The following ASTN2 variants were observed in gnomAD, a reference collection of about 807,000 sequenced individuals.
The protein encoded by ASTN2 is astrotactin-2.
A neutral mutation model predicts 139.8 loss-of-function variants in ASTN2; 54 were observed. The ratio of observed to expected loss-of-function variants is 0.39; its 90% CI spans 0.31 to 0.48. The LOEUF is 0.48. Ranked by LOEUF, ASTN2 falls within the 20% of genes least tolerant of loss-of-function variation. The pLI, the probability that ASTN2 is intolerant of heterozygous loss-of-function variation, is 0.95. For missense variants in ASTN2, 1,565 were observed against 1,725.1 expected (o/e 0.91, Z 1.64); for synonymous variants, 756 against 719.5 (o/e 1.05, Z -0.81).
intron 4 of ASTN2, among the ~76,000 whole-genome samples, chr9:117,120,116 C>T (rs1372376957): frequency 6.8e-6 from 1 of 146,944 alleles, no homozygotes; most frequent in East Asian, 2.0e-4. Flanking sequence ...AATATTTTGG[C>T]TCCTATTGGG....
At chr9:116,562,515 T>A (rs987289799) in intron 19 of ASTN2, among the ~76,000 whole-genome samples, 1 of 151,628 alleles carries the variant, frequency 6.6e-6, no homozygotes, top group African/African-American at 2.4e-5. Context: ...GGCGGGCGGA[T>A]CACCTGAGGT....
chr9:116,889,613 T>C (rs529072162), intron 10 of ASTN2, among the ~76,000 whole-genome samples: 34 of 152,044 alleles, frequency 2.2e-4, no homozygotes, highest in African/African-American at 7.7e-4. Flanking sequence ...CCTGGTGCAG[T>C]GGTGGCTCAT....
intron 16 of ASTN2, among the ~76,000 whole-genome samples, chr9:116,718,909 G>C (rs892530182): frequency 2.1e-5 from 3 of 140,858 alleles, no homozygotes; most frequent in Admixed American, 1.5e-4. Flanking sequence ...AATTATGTTA[G>C]ACAATTTATT....
chr9:117,024,086 T>A (rs1837978124), intron 6 of ASTN2, among the ~76,000 whole-genome samples: 1 of 152,100 alleles, frequency 6.6e-6, no homozygotes, highest in Non-Finnish European at 1.5e-5. Flanking sequence ...TCTCATCCCA[T>A]CCTCAAACGA....
chr9:116,846,775 C>T (rs1008133092), intron 11 of ASTN2, among the ~76,000 whole-genome samples: 1 of 152,034 alleles, frequency 6.6e-6, no homozygotes, highest in African/African-American at 2.4e-5. Context: ...GGTTCTCTGC[C>T]AGTGGTCAAT....
At chr9:116,966,967 A>G (rs1207736129) in intron 10 of ASTN2, among the ~76,000 whole-genome samples, 6 of 152,212 alleles carry the variant, frequency 3.9e-5, no homozygotes, top group Non-Finnish European at 8.8e-5. Flanking sequence ...CTCACAAAAC[A>G]TCCTGAGTTG....
intron 1 of ASTN2, among the ~76,000 whole-genome samples, chr9:117,402,383 G>A (rs1370180117): frequency 1.3e-5 from 2 of 152,280 alleles, no homozygotes; most frequent in South Asian, 4.1e-4. Flanking sequence ...CATTTAAGAA[G>A]CAAAACCATC....
intron 16 of ASTN2, among the ~76,000 whole-genome samples, chr9:116,725,160 A>G (rs1032856598): frequency 2.0e-5 from 3 of 152,210 alleles, no homozygotes; most frequent in Admixed American, 2.0e-4. Flanking sequence ...GAAAAGGAAT[A>G]ACCTTCACAA....
At chr9:116,735,770 C>G (rs1285171737) in intron 13 of ASTN2, among the ~76,000 whole-genome samples, 3 of 152,188 alleles carry the variant, frequency 2.0e-5, no homozygotes, top group Non-Finnish European at 4.4e-5. Context: ...GGTAGCTCAG[C>G]CTTGGAAGCT....
At chr9:116,834,273 T>C (rs377544947) in intron 11 of ASTN2, among the ~76,000 whole-genome samples, 16 of 152,366 alleles carry the variant, frequency 1.1e-4, no homozygotes, top group African/African-American at 3.6e-4. Context: ...TCTATTTTTG[T>C]TGGGCATAAT....
At chr9:116,551,285 A>G (rs1351879598) in intron 19 of ASTN2, among the ~76,000 whole-genome samples, 1 of 152,140 alleles carries the variant, frequency 6.6e-6, no homozygotes, top group Admixed American at 6.5e-5. Context: ...CCTAATCTAA[A>G]TCTTATCTCT....
At chr9:116,580,921 T>A (rs981972367) in intron 19 of ASTN2, among the ~76,000 whole-genome samples, 4 of 152,126 alleles carry the variant, frequency 2.6e-5, no homozygotes, top group African/African-American at 9.7e-5. Flanking sequence ...ATAACAGTTT[T>A]GTGAAAGCAT....
Position 116,823,020 on chromosome 9 carries a change from T to G in ASTN2, c.2041-2237A>C, listed in dbSNP as rs111880511. 2.6e-3 allele frequency among the ~76,000 whole-genome samples: 391 copies of G among 152,290 alleles called. 1 individual carries two copies. The highest frequency in any genetic ancestry group is 3.1e-3 in the Non-Finnish European group (212 of 68,022). ...TGTGATGTGGCCACAAACCGATCGA[T>G]GCTGAGGCCACCACAACCTGAAAGA... On this transcript the variant is annotated intron_variant, in intron 11 of 22. Transcript: ENST00000313400.
At chr9:116,740,199 TG>T (rs1429282346) in intron 13 of ASTN2, among the ~76,000 whole-genome samples, 3 of 152,242 alleles carry the variant, frequency 2.0e-5, no homozygotes, top group African/African-American at 7.2e-5. Flanking sequence ...ACAATGCCAG[TG>T]GGCAGCAAAA....
chr9:117,084,239 A>G (rs1828504128), intron 5 of ASTN2, among the ~76,000 whole-genome samples: 2 of 152,186 alleles, frequency 1.3e-5, no homozygotes, highest in Non-Finnish European at 2.9e-5. Flanking sequence ...TGTGCTTGCA[A>G]GTAAAGGGAA....
At chr9:116,917,694 G>A (rs1367933308) in intron 10 of ASTN2, among the ~76,000 whole-genome samples, 1 of 152,204 alleles carries the variant, frequency 6.6e-6, no homozygotes, top group Non-Finnish European at 1.5e-5. Flanking sequence ...AGGAGAAAAA[G>A]TTGGAATGGA....
rs371621569 is a variant in ASTN2, at chr9:116,547,938, G to A, written c.3356-60438C>T. 2.0e-5 allele frequency among the ~76,000 whole-genome samples: 3 copies of A among 152,112 alleles called. No homozygotes were observed. In the East Asian group the frequency reaches 5.8e-4, roughly 30 times the overall value. On this transcript the variant is annotated intron_variant, in intron 19 of 22. Coordinates refer to ENST00000313400, the MANE Select transcript of ASTN2 (RefSeq NM_001365068.1). The stretch of plus-strand genomic sequence containing the variant: ...GCAGGCTGTCTGAGGCAGCAGCTGC[G>A]GGAGGCATACACTCCCAACTCACCC...
chr9:116,491,776 A>C (rs1849524633), intron 19 of ASTN2, among the ~76,000 whole-genome samples: 1 of 152,208 alleles, frequency 6.6e-6, no homozygotes, highest in South Asian at 2.1e-4. Context: ...CAACACATGT[A>C]TTTTAGTTCC....
intron 1 of ASTN2, among the ~76,000 whole-genome samples, chr9:117,347,223 C>T (rs1469644475): frequency 1.3e-5 from 2 of 152,048 alleles, no homozygotes; most frequent in Non-Finnish European, 2.9e-5. Flanking sequence ...GCACTCTCTA[C>T]AATGACTAAT....
Sources: gnomAD v4.1 joint callset for allele counts (sites outside exome capture counted in the v4.1 genomes callset) on GRCh38, gnomAD v4.1.1 for gene constraint, MANE v1.5 for transcripts, NCBI Gene and HGNC (gene_info 2026-07-23, HGNC 2026-07-21) for gene names.